The following SORCS2 variants were observed in gnomAD, a reference collection of about 807,000 sequenced individuals.
SORCS2 encodes the protein sortilin related VPS10 domain containing receptor 2, also known as VPS10 domain-containing receptor SorCS2.
In SORCS2, 100 loss-of-function variants were observed where a neutral mutation model predicts 141.6. That is an observed-to-expected ratio of 0.71 (90% confidence interval 0.60 to 0.83). The LOEUF (loss-of-function observed/expected upper bound fraction) is 0.83, where lower values mean the gene tolerates loss of function less well. Among genes scored for constraint, SORCS2 ranks in the 40% least tolerant of loss-of-function variants. SORCS2 has a pLI of 0.00. For missense variants in SORCS2, 1,646 were observed against 1,560.2 expected (o/e 1.05, Z -0.93); for synonymous variants, 789 against 676.9 (o/e 1.17, Z -2.57).
chr4:7,461,846 G>T (rs184253556), intron 2 of SORCS2, among the ~76,000 whole-genome samples: 1 of 152,226 alleles, frequency 6.6e-6, no homozygotes, highest in East Asian at 1.9e-4. Flanking sequence ...CTGCCCACCT[G>T]TCATCTGCAT....
chr4:7,508,503 A>G (rs890754917), intron 2 of SORCS2, among the ~76,000 whole-genome samples: 2 of 151,808 alleles, frequency 1.3e-5, no homozygotes, highest in Non-Finnish European at 2.9e-5. Context: ...GGCATCCGCT[A>G]ATTTTTGTAT....
At chr4:7,273,897 A>G (rs573719257) in intron 1 of SORCS2, among the ~76,000 whole-genome samples, 91 of 152,316 alleles carry the variant, frequency 6.0e-4, no homozygotes, top group African/African-American at 2.1e-3. Context: ...TGAGCTTGTT[A>G]AGTGGGTCAT....
At chr4:7,629,780 G>A (rs995418910) in intron 3 of SORCS2, among the ~76,000 whole-genome samples, 2 of 151,888 alleles carry the variant, frequency 1.3e-5, no homozygotes, top group African/African-American at 4.8e-5. Context: ...CTCTACTTGG[G>A]TGTACCTCAG....
At chr4:7,533,707 G>T (rs941217747) in intron 3 of SORCS2, among the ~76,000 whole-genome samples, 3 of 152,254 alleles carry the variant, frequency 2.0e-5, no homozygotes, top group Admixed American at 6.5e-5. Flanking sequence ...CTGAGGTCAG[G>T]CAAGGTGTCA....
In SORCS2 at chr4:7,192,721, G is replaced by T. The variant is rs2108841482; in HGVS notation, c.75G>T (p.Pro25=). 2.0e-6 allele frequency: 2 copies of T among 989,772 alleles called. No individual in the cohort carries two copies. Among genetic ancestry groups the T allele is most frequent in the East Asian group, 2.2e-4 (2 of 8,998 alleles). 61.3% of individuals were successfully genotyped at this position (989,772 alleles called of 1,614,324 possible). The change falls in exon 1 of 27, where the codon CCG becomes CCT. Residue 25 remains proline (P), a synonymous_variant. Transcript: ENST00000507866. The surrounding 1 kb of genome is among the most constrained non-coding windows in gnomAD (Gnocchi z 4.0). The stretch of plus-strand genomic sequence containing the variant: ...CCCGAGCCCCGAGCCCCGGGGCTCC[G>T]CCGCCGCCGCGCTCGCCGCGCTCGC... ...PTARAPSPGA[P]PPPRSPRSRP...
At chr4:7,661,430 T>G in intron 5 of SORCS2, 70 bp from the exon 6 acceptor site, 1 of 1,497,764 alleles carries the variant, frequency 6.7e-7, no homozygotes, top group Non-Finnish European at 9.1e-7. Context: ...CTGCAGGGAG[T>G]GTGGGGAGCA....
intron 1 of SORCS2, among the ~76,000 whole-genome samples, chr4:7,393,869 C>T (rs1724024518): frequency 6.6e-6 from 1 of 152,202 alleles, no homozygotes; most frequent in African/African-American, 2.4e-5. Context: ...CGACGGTCTG[C>T]TAGTGCAGAG....
chr4:7,571,831 A>G (rs543404524), intron 3 of SORCS2, among the ~76,000 whole-genome samples: 2 of 152,254 alleles, frequency 1.3e-5, no homozygotes, highest in East Asian at 3.9e-4. Context: ...AAGGACAAAC[A>G]CATCCCAGTA....
At chr4:7,417,720 C>G (rs759876531) in intron 2 of SORCS2, among the ~76,000 whole-genome samples, 28 of 152,204 alleles carry the variant, frequency 1.8e-4, no homozygotes, top group Non-Finnish European at 3.7e-4. Flanking sequence ...CAGGCGTGCA[C>G]TCCTCTGGTC....
At chr4:7,426,725 T>C (rs1459195797) in intron 2 of SORCS2, among the ~76,000 whole-genome samples, 4 of 152,126 alleles carry the variant, frequency 2.6e-5, no homozygotes, top group Non-Finnish European at 5.9e-5. Flanking sequence ...ACCCTCTTTG[T>C]GTACTTATGG....
At chr4:7,249,634 C>T (rs1243099021) in intron 1 of SORCS2, among the ~76,000 whole-genome samples, 2 of 152,152 alleles carry the variant, frequency 1.3e-5, no homozygotes, top group East Asian at 3.8e-4. Context: ...CTGTGACATC[C>T]TGGTAGATGG....
rs1375861345 is a variant in SORCS2, at chr4:7,633,856, A to C, written c.649-4472A>C. ...GTTTTGCTCGAGGTACAAAAATGGC[A>C]CATGGGCCAGTGAGGATGGTGGACA... On this transcript the variant is annotated intron_variant, in intron 3 of 26. Transcript: ENST00000507866. 4.8e-5 allele frequency among the ~76,000 whole-genome samples: 6 copies of C among 123,950 alleles called. 1 individual carries two copies. The highest frequency in any genetic ancestry group is 1.1e-4 in the Non-Finnish European group (6 of 53,442). The allele number at this position is 123,950 out of a possible 152,430, so 81.3% of individuals were successfully genotyped here.
intron 1 of SORCS2, among the ~76,000 whole-genome samples, chr4:7,321,049 T>C (rs796666813): frequency 1.3e-5 from 2 of 152,114 alleles, no homozygotes; most frequent in Admixed American, 6.6e-5. Flanking sequence ...ACCTGAGCAG[T>C]GGACATTGTA....
chr4:7,455,610 G>T (rs1207983501), intron 2 of SORCS2, among the ~76,000 whole-genome samples: 1 of 145,256 alleles, frequency 6.9e-6, no homozygotes, highest in Admixed American at 6.9e-5. Flanking sequence ...GTGTGTTGGG[G>T]TCAGGCTCTG....
chr4:7,709,270 T>C (rs1302047101), intron 14 of SORCS2, among the ~76,000 whole-genome samples: 3 of 152,178 alleles, frequency 2.0e-5, no homozygotes, highest in Non-Finnish European at 4.4e-5. Flanking sequence ...GGCCTCAGCT[T>C]ACCTGGCCAA....
chr4:7,674,958 T>C (rs1280445689), intron 8 of SORCS2, among the ~76,000 whole-genome samples: 1 of 152,152 alleles, frequency 6.6e-6, no homozygotes, highest in Non-Finnish European at 1.5e-5. Context: ...CCACCTGTCC[T>C]CTGCCCCTGG....
intron 2 of SORCS2, among the ~76,000 whole-genome samples, chr4:7,397,322 G>C (rs999568788): frequency 6.6e-6 from 1 of 152,138 alleles, no homozygotes; most frequent in African/African-American, 2.4e-5. Flanking sequence ...CTTTGTGGTA[G>C]AAGGAATGGC....
intron 1 of SORCS2, among the ~76,000 whole-genome samples, chr4:7,388,196 A>G (rs1046222133): frequency 3.9e-5 from 6 of 152,222 alleles, no homozygotes; most frequent in Non-Finnish European, 7.3e-5. Context: ...CGGCCTGCAG[A>G]AGTCGGCTCC....
chr4:7,335,361 T>G lies in SORCS2; in HGVS notation c.481-60927T>G, dbSNP rs943510621. On this transcript the variant is annotated intron_variant, in intron 1 of 26. Coordinates refer to ENST00000507866, the MANE Select transcript of SORCS2 (RefSeq NM_020777.3). The stretch of plus-strand genomic sequence containing the variant: ...CCTCCCTGGGGAGTGAAGGGAATTT[T>G]ATGGGGAGGGGAGATGCTTTGATAA... Among the ~76,000 whole-genome samples, 3 of 152,188 alleles carry G rather than the reference T, an allele frequency of 2.0e-5. No individual in the cohort carries two copies. The East Asian group carries it at 5.8e-4, about 29-fold the overall frequency.
Sources: gnomAD v4.1 joint callset for allele counts (sites outside exome capture counted in the v4.1 genomes callset) on GRCh38, gnomAD v4.1.1 for gene constraint, Gnocchi (gnomAD v3.1) non-coding constraint, MANE v1.5 for transcripts, NCBI Gene and HGNC (gene_info 2026-07-23, HGNC 2026-07-21) for gene names.